Variants in PLS3 observed in about 807,000 individuals in gnomAD.
The protein encoded by PLS3 is plastin 3.
PLS3 carries 11 observed loss-of-function variants against 46.5 expected under a neutral mutation model. The ratio of observed to expected loss-of-function variants is 0.24; its 90% confidence interval spans 0.15 to 0.39. The LOEUF (loss-of-function observed/expected upper bound fraction) is 0.39, where lower values mean the gene tolerates loss of function less well. Ranked by LOEUF, PLS3 falls within the 10% of genes least tolerant of loss-of-function variation. The pLI is 1.00. For synonymous variants in PLS3, 167 were observed against 162.2 expected, an observed-to-expected ratio of 1.03 and a Z score of -0.22; for missense variants, 308 against 461.8, an observed-to-expected ratio of 0.67 and a Z score of 3.05.
In PLS3 at chrX:115,643,345, G is replaced by A. The variant is rs782682790; in HGVS notation, c.1020G>A (p.Met340Ile). 1.7e-6 allele frequency: 2 copies of A among 1,196,582 alleles called. No homozygotes were observed. The highest frequency in any genetic ancestry group is 4.4e-5 in the Admixed American group (2 of 45,398). Residue 340 changes from methionine to isoleucine, a missense_variant, in exon 10 of 16, where the codon ATG (methionine) becomes ATA (isoleucine). By Grantham distance (10) the Met-to-Ile change is conservative. Transcript: ENST00000355899. The stretch of plus-strand genomic sequence containing the variant: ...ATGATTTGAAGAGAGCTGAGAGTAT[G>A]CTTCAACAAGCAGATAAATTAGGTT... Reference protein sequence around the residue: ...ETDDLKRAESMLQQADKLGCR... With the variant: ...ETDDLKRAESILQQADKLGCR...
chrX:115,588,728 T>G (rs1479378288), intron 1 of PLS3, among the ~76,000 whole-genome samples: 2 of 110,266 alleles, frequency 1.8e-5, no homozygotes, highest in African/African-American at 6.6e-5. Context: ...CCTCCACTTT[T>G]CTCCTATTCC....
At chrX:115,586,154 T>A (rs2074306606) in intron 1 of PLS3, among the ~76,000 whole-genome samples, 1 of 107,169 alleles carries the variant, frequency 9.3e-6, no homozygotes. Context: ...CCCGGCTAAT[T>A]TTGTATTTTT....
intron 1 of PLS3, among the ~76,000 whole-genome samples, chrX:115,576,538 G>A (rs782646708): frequency 8.9e-6 from 1 of 111,831 alleles, no homozygotes; most frequent in Non-Finnish European, 1.9e-5. Context: ...GAGAGATCCT[G>A]TCTCAAAAAA....
chrX:115,621,157 G>A (rs1197517589), intron 2 of PLS3, among the ~76,000 whole-genome samples: 1 of 109,852 alleles, frequency 9.1e-6, no homozygotes, highest in African/African-American at 3.3e-5. Flanking sequence ...GAGATTACGG[G>A]TGCCCGCCAC....
chrX:115,624,121 C>T (rs78648275), intron 3 of PLS3, among the ~76,000 whole-genome samples: 29 of 104,002 alleles, frequency 2.8e-4, no homozygotes, highest in East Asian at 2.2e-3. Flanking sequence ...CCCAGCTACT[C>T]GGGAGGCTGG....
chrX:115,598,412 T>C (rs1261486518), intron 1 of PLS3, among the ~76,000 whole-genome samples: 4 of 111,438 alleles, frequency 3.6e-5, no homozygotes, highest in African/African-American at 1.3e-4. Flanking sequence ...TCCTAGACTT[T>C]TAGGACTAGG....
Position 115,648,145 on chromosome X carries a change from C to T in PLS3, c.1760+128C>T, listed in dbSNP as rs1313925958. ...AGAAACCTCTTGGAGCCTCAGATTC[C>T]TCATCAATAAACTGGGGGCAATAAT... On this transcript the variant is annotated intron_variant, in intron 15 of 15. Coordinates refer to ENST00000355899, the MANE Select transcript of PLS3 (RefSeq NM_005032.7). 4.0e-5 allele frequency: 19 copies of T among 476,415 alleles called. No individual in the cohort carries two copies. In the African/African-American group the frequency reaches 4.2e-4, roughly 11 times the overall value. 39.3% of individuals were successfully genotyped at this position (476,415 alleles called of 1,213,427 possible).
chrX:115,590,125 G>A (rs2074335200), intron 1 of PLS3, among the ~76,000 whole-genome samples: 1 of 111,499 alleles, frequency 9.0e-6, no homozygotes, highest in African/African-American at 3.3e-5. Flanking sequence ...CAAAGTGCTG[G>A]GATTACAGGC....
At chrX:115,621,292 G>A (rs183974911) in intron 2 of PLS3, among the ~76,000 whole-genome samples, 39 of 112,688 alleles carry the variant, frequency 3.5e-4, no homozygotes, top group African/African-American at 9.0e-4. Flanking sequence ...TGGGATTACA[G>A]GCGTGAGCCA....
rs1227099105 is a variant in PLS3, at chrX:115,601,311, C to A, written c.-8-8932C>A. 2.7e-5 allele frequency among the ~76,000 whole-genome samples: 3 copies of A among 110,056 alleles called. No individual in the cohort carries two copies. In the Admixed American group the frequency reaches 2.9e-4, roughly 11 times the overall value. On this transcript the variant is annotated intron_variant, in intron 1 of 15. Transcript: ENST00000355899. ...GCAGACATAAAGCTAGAAGTCAAGT[C>A]AGAAAAGTGTAGGGCCTTGAATGCT...
intron 1 of PLS3, among the ~76,000 whole-genome samples, chrX:115,590,556 A>G (rs2074337719): frequency 8.9e-6 from 1 of 112,257 alleles, no homozygotes; most frequent in African/African-American, 3.2e-5. Flanking sequence ...ACAGTTGCTC[A>G]CACCTGTAAT....
chrX:115,649,339 CATA>C (rs1210189793), intron 15 of PLS3, 87 bp from the exon 16 acceptor site: 5 of 741,023 alleles, frequency 6.7e-6, no homozygotes, highest in Non-Finnish European at 9.5e-6. Flanking sequence ...TGCATCCCAG[CATA>C]ATAATTATAT....
rs782070025 is a variant in PLS3, at chrX:115,604,801, A to G, written c.-8-5442A>G. On this transcript the variant is annotated intron_variant, in intron 1 of 15. Coordinates refer to ENST00000355899, the MANE Select transcript of PLS3 (RefSeq NM_005032.7). The stretch of plus-strand genomic sequence containing the variant: ...AGCTTCTGTTATTTTAATTTGTAAG[A>G]TCTTTATTTTTTAATATCTTCACTC... Among the ~76,000 whole-genome samples the G allele has an allele frequency of 3.2e-3, 358 of 111,843 alleles. 2 individuals are homozygous for G. Among genetic ancestry groups the G allele is most frequent in the Non-Finnish European group, 5.6e-3 (298 of 53,142 alleles).
intron 1 of PLS3, among the ~76,000 whole-genome samples, chrX:115,607,853 A>G (rs1466746603): frequency 8.9e-6 from 1 of 111,750 alleles, no homozygotes; most frequent in Non-Finnish European, 1.9e-5. Flanking sequence ...TGTCTGTTAC[A>G]TTATGGTAAA....
At chrX:115,601,652 A>AT (rs2074445514) in intron 1 of PLS3, among the ~76,000 whole-genome samples, 1 of 109,906 alleles carries the variant, frequency 9.1e-6, no homozygotes, top group Non-Finnish European at 1.9e-5. Flanking sequence ...ATATAAAAAG[A>AT]TAAAAAAAAA....
chrX:115,621,051 T>A (rs191455557), intron 2 of PLS3, among the ~76,000 whole-genome samples: 53 of 109,198 alleles, frequency 4.9e-4, no homozygotes, highest in Admixed American at 9.9e-4. Context: ...TCTCACTCTG[T>A]TGCCCAGGCT....
chrX:115,626,937 C>G (rs1004628049), intron 3 of PLS3, among the ~76,000 whole-genome samples: 5 of 109,077 alleles, frequency 4.6e-5, no homozygotes, highest in Non-Finnish European at 7.6e-5. Context: ...CAACCTCCAT[C>G]TCCCGGGTTC....
At chrX:115,641,091 G>A (rs1303802566) in intron 9 of PLS3, among the ~76,000 whole-genome samples, 1 of 110,745 alleles carries the variant, frequency 9.0e-6, no homozygotes, top group Admixed American at 9.7e-5. Context: ...TTAGTCCCAA[G>A]TTTCTAGGAA....
intron 1 of PLS3, among the ~76,000 whole-genome samples, chrX:115,577,798 C>A (rs148667387): frequency 1.4e-3 from 155 of 111,451 alleles, no homozygotes; most frequent in African/African-American, 5.0e-3. Context: ...TTCTTCTAAA[C>A]TGGATTTTAT....
Sources: allele counts gnomAD v4.1 joint callset (sites outside exome capture counted in the v4.1 genomes callset), GRCh38; gene constraint gnomAD v4.1.1; transcripts MANE v1.5; gene names NCBI Gene and HGNC (gene_info 2026-07-23, HGNC 2026-07-21).